The following SPAG9 variants were observed in gnomAD, a reference collection of about 807,000 sequenced individuals.
The protein encoded by SPAG9 is sperm associated antigen 9, also known as C-Jun-amino-terminal kinase-interacting protein 4.
A neutral mutation model predicts 166.5 loss-of-function variants in SPAG9; 35 were observed. That is an observed-to-expected ratio of 0.21 (90% confidence interval 0.16 to 0.28). The LOEUF is 0.28. Ranked by LOEUF, SPAG9 falls within the 10% of genes least tolerant of loss-of-function variation. The pLI is 1.00. For synonymous variants in SPAG9, 534 were observed against 565.5 expected (o/e 0.94, Z 0.79); for missense variants, 1,235 against 1,603.3 (o/e 0.77, Z 3.92).
intron 27 of SPAG9, chr17:50,975,880 C>T (rs1206617574): frequency 2.0e-6 from 3 of 1,535,744 alleles, no homozygotes; most frequent in East Asian, 2.4e-5. Flanking sequence ...CCCCAGTAAA[C>T]GTCCCTGGTG....
chr17:51,062,043 C>T (rs1011973031), intron 2 of SPAG9, among the ~76,000 whole-genome samples: 5 of 152,096 alleles, frequency 3.3e-5, no homozygotes, highest in African/African-American at 1.2e-4. Context: ...AACCATTTAT[C>T]ACAGAAAAAG....
In SPAG9 at chr17:51,120,863, A is replaced by C; in HGVS notation, c.-207T>G. 1 of 284,730 alleles carries C rather than the reference A, an allele frequency of 3.5e-6. No individual in the cohort carries two copies. The highest frequency in any genetic ancestry group is 6.5e-6 in the Non-Finnish European group (1 of 154,684). The allele number at this position is 284,730 out of a possible 1,614,324, so 17.6% of individuals were successfully genotyped here. A position where few individuals can be genotyped will look rare whatever the true frequency, so the allele number is the denominator to read the frequency against. On this transcript the variant is annotated 5_prime_UTR_variant, in exon 1 of 30. Transcript: ENST00000262013. This position sits in a 1 kb window ranked among gnomAD's most constrained non-coding sequence, Gnocchi z 4.7. ...TCTCACCCCAACCGCCGCTGCACCA[A>C]CTGCCGGGGCGGCCCGGCCGCGCGC...
At chr17:50,994,085 C>A in intron 18 of SPAG9, 150 bp from the exon 19 acceptor site, 1 of 762,582 alleles carries the variant, frequency 1.3e-6, no homozygotes, top group Non-Finnish European at 2.1e-6. Flanking sequence ...TGTGGTTTGG[C>A]TGCGTCCCTA....
Position 50,985,704 on chromosome 17 carries a change from C to A in SPAG9, c.3014G>T (p.Ser1005Ile). Residue 1005 changes from serine (S) to isoleucine (I), a missense_variant, in exon 23 of 30, where the codon AGT becomes ATT. By Grantham distance (142) the Ser-to-Ile change is moderately radical (BLOSUM62 -2). Transcript: ENST00000262013. ...HSIKLKDSILSIVHVKGIVLV... is the reference protein window; with the variant it reads ...HSIKLKDSILIIVHVKGIVLV... ...TTTCCAAAATAAAACTTACACAATA[C>A]TGAGAATCGAATCTTTAAGTTTAAT... The A allele has an allele frequency of 6.3e-7, 1 of 1,581,870 alleles. No individual in the cohort carries two copies. The highest frequency in any genetic ancestry group is 8.7e-7 in the Non-Finnish European group (1 of 1,152,362).
In SPAG9 at chr17:50,966,399, TAAG is replaced by T. The variant is rs780408934; in HGVS notation, c.3851-15_3851-13del. On this transcript the variant is annotated splice_polypyrimidine_tract_variant and intron_variant, in intron 29 of 29. Coordinates refer to ENST00000262013, the MANE Select transcript of SPAG9 (RefSeq NM_001130528.3). ...TCCACCTTCATCACCTAGTGAATGA[TAAG>T]AAGACTCAAGTTAGGCTGAACACAT... is the stretch of plus-strand genomic sequence containing the variant. The T allele has an allele frequency of 1.4e-5, 21 of 1,474,816 alleles. No homozygotes were observed. In the Admixed American group the frequency reaches 2.5e-4, roughly 18 times the overall value. The allele number at this position is 1,474,816 out of a possible 1,614,324, so 91.4% of individuals were successfully genotyped here. A position where few individuals can be genotyped will look rare whatever the true frequency, so the allele number is the denominator to read the frequency against.
chr17:51,003,793 A>C (rs2045070396), intron 12 of SPAG9, among the ~76,000 whole-genome samples: 1 of 152,204 alleles, frequency 6.6e-6, no homozygotes, highest in South Asian at 2.1e-4. Context: ...AATAAAGTTA[A>C]ACAACAAATG....
intron 8 of SPAG9, chr17:51,014,560 A>G (rs1382995783): frequency 6.5e-6 from 3 of 463,624 alleles, no homozygotes; most frequent in Non-Finnish European, 1.1e-5. Flanking sequence ...AAATTATAGA[A>G]TGTTTTTGTT....
At chr17:51,088,968 C>CT (rs1168647218) in intron 1 of SPAG9, among the ~76,000 whole-genome samples, 4 of 151,984 alleles carry the variant, frequency 2.6e-5, no homozygotes. Flanking sequence ...TGGCACCCGC[C>CT]TGTAGTCCCA....
rs1040598691 is a variant in SPAG9 at position 51,046,858 on chromosome 17, T to G, written c.590+517A>C. ...TCTCCCCACCTCATAACCATAGAGC[T>G]GCTGCTCCTAGCATTTATGCAGCAA... On this transcript the variant is annotated intron_variant, in intron 4 of 29. Coordinates refer to ENST00000262013, the MANE Select transcript of SPAG9 (RefSeq NM_001130528.3). 20 of 1,530,266 alleles carry G rather than the reference T, an allele frequency of 1.3e-5. No individual in the cohort carries two copies. The African/African-American group carries it at 1.8e-4, about 14-fold the overall frequency. 94.8% of individuals were successfully genotyped at this position (1,530,266 alleles called of 1,614,324 possible).
rs1262365173 is a variant in SPAG9, at chr17:51,095,293, C to CT, written c.304-15590dup. Among the ~76,000 whole-genome samples, 18 of 88,946 alleles carry CT rather than the reference C, an allele frequency of 2.0e-4. 1 individual carries two copies. Among genetic ancestry groups the CT allele is most frequent in the African/African-American group, 7.0e-4 (15 of 21,518 alleles). The allele number at this position is 88,946 out of a possible 152,430, so 58.4% of individuals were successfully genotyped here. A position where few individuals can be genotyped will look rare whatever the true frequency, so the allele number is the denominator to read the frequency against. Reference sequence around the variant, plus strand: ...CCTGGGGGACAGAGTGAGACTCCATCTTTAAAAAAAAAAAAAAAAAAAAAA... The same window carrying CT: ...CCTGGGGGACAGAGTGAGACTCCATCTTTTAAAAAAAAAAAAAAAAAAAAAA... On this transcript the variant is annotated intron_variant, in intron 1 of 29. Coordinates refer to ENST00000262013, the MANE Select transcript of SPAG9 (RefSeq NM_001130528.3).
chr17:50,992,268 C>G (rs1228075271), intron 19 of SPAG9, among the ~76,000 whole-genome samples: 1 of 152,054 alleles, frequency 6.6e-6, no homozygotes, highest in Non-Finnish European at 1.5e-5. Flanking sequence ...CTCATATAAG[C>G]GGAATCATAT....
chr17:51,001,679 A>G, intron 13 of SPAG9, 36 bp downstream of exon 13: 3 of 1,586,676 alleles, frequency 1.9e-6, no homozygotes, highest in Non-Finnish European at 2.6e-6. Flanking sequence ...CTACAAAATA[A>G]TAGTAGGAAA....
chr17:51,061,168 G>A (rs1488549392), intron 2 of SPAG9, among the ~76,000 whole-genome samples: 4 of 151,938 alleles, frequency 2.6e-5, no homozygotes, highest in African/African-American at 9.7e-5. Flanking sequence ...TATATAAGAT[G>A]TTTGTCAACT....
intron 4 of SPAG9, chr17:51,046,707 C>A (rs749834097): frequency 6.5e-7 from 1 of 1,535,866 alleles, no homozygotes; most frequent in South Asian, 1.2e-5. Flanking sequence ...GAGGCCTACA[C>A]GGGGGCCAAA....
At chr17:51,046,896 G>A (rs1469965021) in intron 4 of SPAG9, 4 of 1,515,414 alleles carry the variant, frequency 2.6e-6, no homozygotes, top group Admixed American at 4.0e-5. Context: ...CCAAGCGACA[G>A]CCAGCCTATT....
In SPAG9 at chr17:51,034,267, A is replaced by C. The variant is rs575241726; in HGVS notation, c.742-2545T>G. 3.9e-5 allele frequency among the ~76,000 whole-genome samples: 6 copies of C among 152,366 alleles called. No individual in the cohort carries two copies. The East Asian group carries it at 1.2e-3, about 29-fold the overall frequency. ...AGGCACACTAATACAAAATTCTATA[A>C]AGGAGGTATAAACTAATGGAAAAAC... On this transcript the variant is annotated intron_variant, in intron 5 of 29. Transcript: ENST00000262013.
At chr17:51,073,432 G>A (rs2047880940) in intron 2 of SPAG9, among the ~76,000 whole-genome samples, 1 of 152,056 alleles carries the variant, frequency 6.6e-6, no homozygotes, top group Non-Finnish European at 1.5e-5. Flanking sequence ...AGGCTACAGT[G>A]AGCCATGATC....
chr17:51,029,015 T>C (rs936419981), intron 6 of SPAG9, among the ~76,000 whole-genome samples: 12 of 152,216 alleles, frequency 7.9e-5, no homozygotes, highest in African/African-American at 1.7e-4. Flanking sequence ...ATCAAGTCTC[T>C]TTCTAACATA....
Position 50,982,552 on chromosome 17 carries a change from A to C in SPAG9, c.3209T>G (p.Val1070Gly), listed in dbSNP as rs1407678177. ...TATTTTCATGGCCTTTGGCTGCACC[A>C]CATAGATTTTGTTCCTATAGCCACA... ...VWCGYRNKIY[V>G]VQPKAMKIEK... Residue 1070 changes from valine (V) to glycine (G), a missense_variant, in exon 25 of 30, where the codon GTG becomes GGG. By Grantham distance (109) the Val-to-Gly change is moderately radical. Coordinates refer to ENST00000262013, the MANE Select transcript of SPAG9 (RefSeq NM_001130528.3). 1 of 1,613,266 alleles carries C rather than the reference A, an allele frequency of 6.2e-7. No individual in the cohort carries two copies. The highest frequency in any genetic ancestry group is 2.2e-5 in the East Asian group (1 of 44,880).
Sources: gnomAD v4.1 joint callset for allele counts (sites outside exome capture counted in the v4.1 genomes callset) on GRCh38, gnomAD v4.1.1 for gene constraint, Gnocchi (gnomAD v3.1) non-coding constraint, MANE v1.5 for transcripts, NCBI Gene and HGNC (gene_info 2026-07-23, HGNC 2026-07-21) for gene names.